TAFA2: variants seen among roughly 807,000 people sequenced by gnomAD.
TAFA2 encodes the protein chemokine-like protein TAFA-2.
Under a neutral mutation model 18.8 loss-of-function variants are expected in TAFA2, and 7 were observed. That is an observed-to-expected ratio of 0.37 (90% confidence interval 0.21 to 0.70). TAFA2 has a LOEUF of 0.70. TAFA2 is among the 30% of genes least tolerant of loss of function. The pLI, the probability that TAFA2 is intolerant of heterozygous loss-of-function variation, is 0.53. For synonymous variants in TAFA2, 60 were observed against 54.2 expected, an observed-to-expected ratio of 1.11 and a Z score of -0.47; for missense variants, 122 against 158.1, an observed-to-expected ratio of 0.77 and a Z score of 1.23.
intron 1 of TAFA2, among the ~76,000 whole-genome samples, chr12:62,067,522 T>C (rs757253428): frequency 6.6e-6 from 1 of 152,114 alleles, no homozygotes; most frequent in Non-Finnish European, 1.5e-5. Context: ...AGTTTCATTA[T>C]TCTGCATATG....
At chr12:61,761,693 T>C (rs1473816142) in intron 2 of TAFA2, among the ~76,000 whole-genome samples, 1 of 152,044 alleles carries the variant, frequency 6.6e-6, no homozygotes, top group African/African-American at 2.4e-5. Context: ...GACACAGAAA[T>C]GTAAGTTGGC....
chr12:62,170,871 A>G (rs1467665477), intron 1 of TAFA2, among the ~76,000 whole-genome samples: 1 of 152,142 alleles, frequency 6.6e-6, no homozygotes, highest in Non-Finnish European at 1.5e-5. Flanking sequence ...CAGGTAGCAG[A>G]TTACCTTGGC....
intron 1 of TAFA2, among the ~76,000 whole-genome samples, chr12:61,898,240 C>T (rs1875941411): frequency 6.6e-6 from 1 of 152,248 alleles, no homozygotes; most frequent in African/African-American, 2.4e-5. Flanking sequence ...GTGTCTGCAT[C>T]TTTTCCAGAT....
chr12:62,071,234 C>T (rs1007362774), intron 1 of TAFA2, among the ~76,000 whole-genome samples: 1 of 152,104 alleles, frequency 6.6e-6, no homozygotes, highest in Non-Finnish European at 1.5e-5. Context: ...AGAAAGGTGG[C>T]ATTTAGGCTG....
chr12:61,876,089 A>G (rs991770874), intron 1 of TAFA2, among the ~76,000 whole-genome samples: 2 of 152,146 alleles, frequency 1.3e-5, no homozygotes, highest in Non-Finnish European at 2.9e-5. Flanking sequence ...ATAATAAAAC[A>G]TTTTCTTTCT....
intron 1 of TAFA2, among the ~76,000 whole-genome samples, chr12:62,121,532 C>T (rs1311891131): frequency 6.6e-6 from 1 of 152,090 alleles, no homozygotes; most frequent in Non-Finnish European, 1.5e-5. Context: ...ATAACGTGAT[C>T]TAAAGTATAA....
At chr12:61,807,906 G>C (rs184928507) in intron 2 of TAFA2, among the ~76,000 whole-genome samples, 1 of 151,616 alleles carries the variant, frequency 6.6e-6, no homozygotes, top group Admixed American at 6.5e-5. Context: ...TAACTAACTT[G>C]CTTTTGATTT....
Position 62,000,684 on chromosome 12 carries a change from T to C in TAFA2, c.-1-133258A>G, listed in dbSNP as rs964298980. 3.5e-5 allele frequency among the ~76,000 whole-genome samples: 4 copies of C among 114,374 alleles called. 1 individual carries two copies. The highest frequency in any genetic ancestry group is 1.1e-4 in the African/African-American group (4 of 35,310). The allele number at this position is 114,374 out of a possible 152,430, so 75.0% of individuals were successfully genotyped here. On this transcript the variant is annotated intron_variant, in intron 1 of 4. Coordinates refer to ENST00000416284, the MANE Select transcript of TAFA2 (RefSeq NM_178539.5). Reference sequence around the variant, plus strand: ...GTGGAATATCCCCAAGCTGGAACAATAGAAATATTCTTCCAAGGTATAATA... The same window carrying C: ...GTGGAATATCCCCAAGCTGGAACAACAGAAATATTCTTCCAAGGTATAATA...
chr12:61,973,400 T>TC (rs1258022045), intron 1 of TAFA2, among the ~76,000 whole-genome samples: 1 of 147,356 alleles, frequency 6.8e-6, no homozygotes, highest in Admixed American at 6.8e-5. Flanking sequence ...TTTAGATTTT[T>TC]TTTTTTTTTT....
intron 1 of TAFA2, among the ~76,000 whole-genome samples, chr12:61,982,504 T>A (rs1879671829): frequency 6.6e-6 from 1 of 152,140 alleles, no homozygotes; most frequent in South Asian, 2.1e-4. Flanking sequence ...TTCTTTTTAA[T>A]TTTTTTAACT....
chr12:61,896,702 T>C (rs1176200567), intron 1 of TAFA2, among the ~76,000 whole-genome samples: 1 of 152,194 alleles, frequency 6.6e-6, no homozygotes, highest in Non-Finnish European at 1.5e-5. Context: ...CCAACACTTC[T>C]AAAATTGAAT....
intron 1 of TAFA2, among the ~76,000 whole-genome samples, chr12:62,161,245 T>TA (rs1310118567): frequency 2.0e-5 from 3 of 152,202 alleles, no homozygotes; most frequent in African/African-American, 7.2e-5. Context: ...ATCAAAAAGA[T>TA]ACTCACACTC....
At chr12:62,212,676 T>C (rs922211802) in intron 1 of TAFA2, among the ~76,000 whole-genome samples, 6 of 152,228 alleles carry the variant, frequency 3.9e-5, no homozygotes, top group African/African-American at 9.6e-5. Flanking sequence ...GATTCTCATA[T>C]GCTCTGCCGA....
chr12:62,104,541 T>C (rs1318478015), intron 1 of TAFA2, among the ~76,000 whole-genome samples: 2 of 152,210 alleles, frequency 1.3e-5, no homozygotes, highest in African/African-American at 2.4e-5. Flanking sequence ...ATTTTTACCA[T>C]TGAATAAGCA....
intron 1 of TAFA2, among the ~76,000 whole-genome samples, chr12:62,092,985 G>A (rs553640907): frequency 7.9e-5 from 12 of 152,032 alleles, no homozygotes; most frequent in East Asian, 5.8e-4. Context: ...ACATATCAGC[G>A]AAGGCTTTAT....
chr12:62,003,999 GA>G (rs1295875320), intron 1 of TAFA2, among the ~76,000 whole-genome samples: 1 of 151,908 alleles, frequency 6.6e-6, no homozygotes, highest in Non-Finnish European at 1.5e-5. Context: ...TTCCCATACA[GA>G]AAAAACATTC....
chr12:62,026,284 G>C lies in TAFA2; in HGVS notation c.-1-158858C>G, dbSNP rs1448250474. On this transcript the variant is annotated intron_variant, in intron 1 of 4. Coordinates refer to ENST00000416284, the MANE Select transcript of TAFA2 (RefSeq NM_178539.5). ...AGAGATTTACCTGAATAGATATCCA[G>C]TCAGAGTCACGTAAAGAAGACAGAA... Among the ~76,000 whole-genome samples the C allele has an allele frequency of 2.0e-5, 3 of 152,144 alleles. No individual in the cohort carries two copies. The East Asian group carries it at 5.8e-4, about 29-fold the overall frequency.
chr12:62,010,591 T>G (rs917363327), intron 1 of TAFA2, among the ~76,000 whole-genome samples: 1 of 152,084 alleles, frequency 6.6e-6, no homozygotes, highest in Non-Finnish European at 1.5e-5. Context: ...GTCTGGGAAG[T>G]GGAGAGCGTC....
At chr12:61,774,938 T>C (rs1870192420) in intron 2 of TAFA2, among the ~76,000 whole-genome samples, 1 of 151,874 alleles carries the variant, frequency 6.6e-6, no homozygotes, top group South Asian at 2.1e-4. Flanking sequence ...AAAGGATTGT[T>C]ATCAAAAATA....
Sources: gnomAD v4.1 joint callset for allele counts (sites outside exome capture counted in the v4.1 genomes callset) on GRCh38, gnomAD v4.1.1 for gene constraint, MANE v1.5 for transcripts, NCBI Gene and HGNC (gene_info 2026-07-23, HGNC 2026-07-21) for gene names.